Variants in TOMM70 observed in about 807,000 individuals in gnomAD.
The protein encoded by TOMM70 is mitochondrial import receptor subunit TOM70.
TOMM70 carries 13 observed loss-of-function variants against 73.6 expected under a neutral mutation model. The ratio of observed to expected loss-of-function variants is 0.18; its 90% CI spans 0.11 to 0.28. The LOEUF is 0.28. Among genes scored for constraint, TOMM70 ranks in the 10% least tolerant of loss-of-function variants. The probability of loss-of-function intolerance (pLI) is 1.00; values close to 1 mark genes in which losing one functional copy is unlikely to be tolerated. For synonymous variants in TOMM70, 257 were observed against 271.2 expected (o/e 0.95, Z 0.51); for missense variants, 609 against 747.5 (o/e 0.81, Z 2.16).
At chr3:100,399,596 C>T (rs1260244652) in intron 1 of TOMM70, among the ~76,000 whole-genome samples, 2 of 152,136 alleles carry the variant, frequency 1.3e-5, no homozygotes, top group African/African-American at 4.8e-5. Context: ...CAAAGCAGTT[C>T]ACTAAATAAT....
At chr3:100,370,526 C>T (rs1413703965) in intron 9 of TOMM70, among the ~76,000 whole-genome samples, 1 of 152,032 alleles carries the variant, frequency 6.6e-6, no homozygotes, top group Non-Finnish European at 1.5e-5. Flanking sequence ...AAGACAAATC[C>T]CACGGCTGAA....
chr3:100,379,263 GTAAAT>G (rs1706602462), intron 5 of TOMM70, among the ~76,000 whole-genome samples: 1 of 152,130 alleles, frequency 6.6e-6, no homozygotes, highest in South Asian at 2.1e-4. Flanking sequence ...ATAAGGCATT[GTAAAT>G]TAAAGTACAT....
At chr3:100,371,066 A>G (rs1011134079) in intron 9 of TOMM70, among the ~76,000 whole-genome samples, 6 of 152,190 alleles carry the variant, frequency 3.9e-5, no homozygotes, top group African/African-American at 1.2e-4. Context: ...ACTTTAATGT[A>G]GTTATATATA....
chr3:100,396,240 TAAC>T (rs1051232887), intron 1 of TOMM70, among the ~76,000 whole-genome samples: 5 of 152,104 alleles, frequency 3.3e-5, no homozygotes, highest in African/African-American at 1.2e-4. Flanking sequence ...AGATGACCAA[TAAC>T]AACAGTTTAT....
At chr3:100,378,993 C>T (rs938690933) in intron 5 of TOMM70, among the ~76,000 whole-genome samples, 1 of 150,216 alleles carries the variant, frequency 6.7e-6, no homozygotes, top group African/African-American at 2.5e-5. Flanking sequence ...GGCGACAGAG[C>T]GAGACTCCGT....
At position 100,363,897 on chromosome 3, in the gene TOMM70, A is replaced by T. The variant is rs1023499330; in HGVS notation, c.*1667T>A. 6.6e-6 allele frequency: 1 copy of T among 152,182 alleles called. No individual in the cohort carries two copies. Among genetic ancestry groups the T allele is most frequent in the African/African-American group, 2.4e-5 (1 of 41,442 alleles). The allele number at this position is 152,182 out of a possible 1,614,324, so 9.4% of individuals were successfully genotyped here. A position where few individuals can be genotyped will look rare whatever the true frequency, so the allele number is the denominator to read the frequency against. ...CCTCCTCAATATTTTCCAAAGATTG[A>T]CTTTGAAAGGGAGTCATTTCTAATA... On this transcript the variant is annotated 3_prime_UTR_variant, in exon 12 of 12. Transcript: ENST00000284320.
chr3:100,365,840 G>T (rs1247400227), intron 11 of TOMM70, 123 bp from the exon 12 acceptor site: 1 of 1,097,310 alleles, frequency 9.1e-7, no homozygotes, highest in Non-Finnish European at 1.3e-6. Context: ...AATGAAGGTT[G>T]TAAGTGATGC....
intron 1 of TOMM70, among the ~76,000 whole-genome samples, chr3:100,392,187 C>T (rs1454780608): frequency 6.6e-6 from 1 of 152,138 alleles, no homozygotes. Context: ...TAATGATGCA[C>T]TTATTGGAAC....
intron 3 of TOMM70, among the ~76,000 whole-genome samples, 188 bp from the exon 4 acceptor site, chr3:100,384,776 A>G (rs998330136): frequency 1.3e-5 from 2 of 152,194 alleles, no homozygotes; most frequent in Non-Finnish European, 2.9e-5. Context: ...GAAAGCTCAG[A>G]AAGTCACTCC....
intron 1 of TOMM70, among the ~76,000 whole-genome samples, chr3:100,396,878 A>C (rs59507591): frequency 0.11 from 16,201 of 152,188 alleles, 1,272 homozygotes; most frequent in African/African-American, 0.21. Context: ...AGTTTTTGCT[A>C]TCCCAGAAAA....
intron 5 of TOMM70, among the ~76,000 whole-genome samples, chr3:100,379,825 C>T (rs922789469): frequency 6.6e-6 from 1 of 152,066 alleles, no homozygotes; most frequent in Non-Finnish European, 1.5e-5. Context: ...CTCCATGTTG[C>T]CCAGGCTAGT....
At chr3:100,395,542 CAAAA>C (rs59048767) in intron 1 of TOMM70, among the ~76,000 whole-genome samples, 4 of 81,068 alleles carry the variant, frequency 4.9e-5, no homozygotes, top group African/African-American at 1.0e-4. Context: ...GACTCCAACT[CAAAA>C]AAAAAAAAAA....
intron 1 of TOMM70, among the ~76,000 whole-genome samples, chr3:100,395,733 T>C (rs768297994): frequency 1.1e-4 from 17 of 152,206 alleles, no homozygotes; most frequent in Non-Finnish European, 2.1e-4. Flanking sequence ...AGTCAAAAAA[T>C]GAAACTTCAT....
intron 9 of TOMM70, among the ~76,000 whole-genome samples, chr3:100,371,729 A>T (rs1479694569): frequency 6.6e-6 from 1 of 152,214 alleles, no homozygotes. Flanking sequence ...GGTTTTGTGG[A>T]AGACAATTTT....
rs1706480560 is a variant in TOMM70 at position 100,369,086 on chromosome 3, T to G, written c.1502A>C (p.Lys501Thr). ...QFGKADEMYD[K>T]CIDLEPDNAT... Reference sequence around the variant, plus strand: ...ATTATCTGGTTCCAAATCAATACATTTATCATACATTTCATCAGCTTTACC... The same window carrying G: ...ATTATCTGGTTCCAAATCAATACATGTATCATACATTTCATCAGCTTTACC... The change falls in exon 10 of 12, where the codon AAA (lysine) becomes ACA (threonine). Residue 501 changes from lysine (K) to threonine (T), a missense_variant. By Grantham distance (78) the Lys-to-Thr change is moderately conservative. Coordinates refer to ENST00000284320, the MANE Select transcript of TOMM70 (RefSeq NM_014820.5). The G allele has an allele frequency of 6.2e-7, 1 of 1,613,548 alleles. No homozygotes were observed. The highest frequency in any genetic ancestry group is 8.5e-7 in the Non-Finnish European group (1 of 1,179,722).
At chr3:100,372,751 A>G (rs373139078) in intron 8 of TOMM70, 29 bp from the exon 9 acceptor site, 1 of 1,559,564 alleles carries the variant, frequency 6.4e-7, no homozygotes, top group Non-Finnish European at 8.8e-7. Context: ...GGCCTGTCAA[A>G]TCAAGAACTC....
Position 100,377,766 on chromosome 3 carries a change from T to G in TOMM70, c.1031A>C (p.Asn344Thr), listed in dbSNP as rs748687788. Residue 344 changes from asparagine to threonine, a missense_variant, in exon 6 of 12, where the codon AAT becomes ACT. Coordinates refer to ENST00000284320, the MANE Select transcript of TOMM70 (RefSeq NM_014820.5). ...LRATFYLLIG[N>T]ANAAKPDLDK... The stretch of plus-strand genomic sequence containing the variant: ...TAAATCTGGTTTGGCTGCATTGGCA[T>G]TGCCAATAAGCAGGTAGAAGGTAGC... The G allele has an allele frequency of 6.2e-7, 1 of 1,614,228 alleles. No individual in the cohort carries two copies. Among genetic ancestry groups the G allele is most frequent in the African/African-American group, 1.3e-5 (1 of 75,072 alleles).
In TOMM70 at chr3:100,364,733, T is replaced by A. The variant is rs1172219630; in HGVS notation, c.*831A>T. 6.6e-6 allele frequency: 1 copy of A among 152,118 alleles called. No individual in the cohort carries two copies. The highest frequency in any genetic ancestry group is 1.5e-5 in the Non-Finnish European group (1 of 68,026). 9.4% of individuals were successfully genotyped at this position (152,118 alleles called of 1,614,324 possible). On this transcript the variant is annotated 3_prime_UTR_variant, in exon 12 of 12. Coordinates refer to ENST00000284320, the MANE Select transcript of TOMM70 (RefSeq NM_014820.5). ...ATATACAGTGCCACTGTACCCTCTA[T>A]CCTACATTTTTAAAAGCTCACCATT...
At chr3:100,368,471 G>C (rs1054508060) in intron 10 of TOMM70, among the ~76,000 whole-genome samples, 1 of 152,140 alleles carries the variant, frequency 6.6e-6, no homozygotes, top group Non-Finnish European at 1.5e-5. Context: ...GCAAGGACAC[G>C]AACACTTGTG....
Sources: gnomAD v4.1 joint callset for allele counts (sites outside exome capture counted in the v4.1 genomes callset) on GRCh38, gnomAD v4.1.1 for gene constraint, MANE v1.5 for transcripts, NCBI Gene and HGNC (gene_info 2026-07-23, HGNC 2026-07-21) for gene names.